CHST9: variants seen among roughly 807,000 people sequenced by gnomAD.
CHST9 encodes carbohydrate sulfotransferase 9.
Under a neutral mutation model 44.4 loss-of-function variants are expected in CHST9, and 41 were observed. That is an observed-to-expected ratio of 0.92 (90% CI 0.72 to 1.20). CHST9 has a LOEUF of 1.20. Among genes scored for constraint, CHST9 ranks in the 50% most tolerant of loss-of-function variants. The pLI is 0.00. For missense variants in CHST9, 504 were observed against 516.5 expected (o/e 0.98, Z 0.23); for synonymous variants, 171 against 178.4 (o/e 0.96, Z 0.33).
chr18:26,971,520 C>T (rs2056542272), intron 4 of CHST9, among the ~76,000 whole-genome samples: 1 of 152,184 alleles, frequency 6.6e-6, no homozygotes, highest in South Asian at 2.1e-4. Context: ...AAGGTTTATT[C>T]ATTTATCATA....
At chr18:27,137,201 A>G (rs2058520635) in intron 2 of CHST9, among the ~76,000 whole-genome samples, 1 of 151,376 alleles carries the variant, frequency 6.6e-6, no homozygotes, top group South Asian at 2.1e-4. Flanking sequence ...TTATACATAT[A>G]ATGAATATAT....
chr18:27,096,614 C>T (rs1456745084), intron 2 of CHST9, among the ~76,000 whole-genome samples: 1 of 151,850 alleles, frequency 6.6e-6, no homozygotes, highest in Non-Finnish European at 1.5e-5. Flanking sequence ...CAACCAATCC[C>T]ACAGAAATAC....
chr18:27,110,560 T>C (rs1039777693), intron 2 of CHST9, among the ~76,000 whole-genome samples: 3 of 152,148 alleles, frequency 2.0e-5, no homozygotes, highest in Non-Finnish European at 4.4e-5. Flanking sequence ...TTACAAAGAT[T>C]ATAGGATGGT....
chr18:27,112,676 A>G (rs976631215), intron 2 of CHST9, among the ~76,000 whole-genome samples: 5 of 151,566 alleles, frequency 3.3e-5, no homozygotes, highest in Admixed American at 3.3e-4. Flanking sequence ...GAAAACTTTA[A>G]TAAACTTCCT....
At chr18:27,000,901 A>G (rs2056944719) in intron 4 of CHST9, among the ~76,000 whole-genome samples, 1 of 152,068 alleles carries the variant, frequency 6.6e-6, no homozygotes, top group South Asian at 2.1e-4. Flanking sequence ...TCACCCCCCC[A>G]TCTCTGAATT....
intron 4 of CHST9, among the ~76,000 whole-genome samples, chr18:26,952,045 C>G (rs1318330680): frequency 6.6e-6 from 1 of 152,164 alleles, no homozygotes; most frequent in Non-Finnish European, 1.5e-5. Flanking sequence ...AGCAATTAGG[C>G]AAGGACATTA....
chr18:27,039,630 T>G (rs1470110116), intron 3 of CHST9, among the ~76,000 whole-genome samples: 1 of 152,148 alleles, frequency 6.6e-6, no homozygotes, highest in Non-Finnish European at 1.5e-5. Flanking sequence ...CACTGAACAT[T>G]TTTAACACAT....
chr18:27,057,575 G>A (rs889738707), intron 2 of CHST9, among the ~76,000 whole-genome samples: 7 of 152,180 alleles, frequency 4.6e-5, no homozygotes, highest in African/African-American at 1.7e-4. Flanking sequence ...ATGTTGCTAG[G>A]ACGCTTAGGC....
At chr18:27,031,160 A>G (rs1474916913) in intron 3 of CHST9, among the ~76,000 whole-genome samples, 1 of 152,118 alleles carries the variant, frequency 6.6e-6, no homozygotes. Context: ...TACTTGATTC[A>G]GTTCCAAATA....
chr18:27,134,891 TTC>T (rs1365526761), intron 2 of CHST9, among the ~76,000 whole-genome samples: 11 of 152,144 alleles, frequency 7.2e-5, no homozygotes, highest in Non-Finnish European at 1.0e-4. Flanking sequence ...TGTAAAAAGT[TTC>T]TGAGTTCTGG....
chr18:27,181,497 A>G (rs915122704), intron 1 of CHST9, among the ~76,000 whole-genome samples: 4 of 152,210 alleles, frequency 2.6e-5, no homozygotes, highest in African/African-American at 9.7e-5. Context: ...CCCCTTATTT[A>G]GATGGCTTCT....
At chr18:27,134,425 A>T (rs1217733014) in intron 2 of CHST9, among the ~76,000 whole-genome samples, 3 of 152,208 alleles carry the variant, frequency 2.0e-5, no homozygotes, top group Non-Finnish European at 4.4e-5. Context: ...ACAAAGTGGG[A>T]GGGTTGAAAT....
rs764070699 is a variant in CHST9, at chr18:26,916,316, G to A, written c.1275C>T (p.Ile425=). 8 of 1,606,450 alleles carry A rather than the reference G, an allele frequency of 5.0e-6. No individual in the cohort carries two copies. The African/African-American group carries it at 1.1e-4, about 21-fold the overall frequency. The change falls in exon 6 of 6, where the codon ATC becomes ATT. Residue 425 remains isoleucine (I), a synonymous_variant. Transcript: ENST00000618847. ...AATAGTCCAAGTAATAAAAGTCATA[G>A]ATTAATTGTCTCTCAGTTCTAGTCA... The part of the protein sequence containing the change: ...KDLTRTERQL[I]YDFYYLDYLM...
intron 2 of CHST9, among the ~76,000 whole-genome samples, chr18:27,071,000 A>C (rs1430536054): frequency 6.6e-6 from 1 of 152,066 alleles, no homozygotes; most frequent in Non-Finnish European, 1.5e-5. Flanking sequence ...CCTAGTTCCC[A>C]TGAGTCTCCC....
At chr18:27,026,491 C>G (rs995579087) in intron 3 of CHST9, among the ~76,000 whole-genome samples, 3 of 152,024 alleles carry the variant, frequency 2.0e-5, no homozygotes, top group Non-Finnish European at 4.4e-5. Flanking sequence ...TGAATTGTCT[C>G]CTAAGGAAAA....
At chr18:27,019,970 T>C (rs1459593521) in intron 4 of CHST9, among the ~76,000 whole-genome samples, 1 of 152,018 alleles carries the variant, frequency 6.6e-6, no homozygotes, top group African/African-American at 2.4e-5. Flanking sequence ...AGAAATAAAA[T>C]GAATAGATGC....
intron 4 of CHST9, among the ~76,000 whole-genome samples, chr18:26,960,855 C>A (rs1380496225): frequency 6.6e-6 from 1 of 152,184 alleles, no homozygotes; most frequent in Non-Finnish European, 1.5e-5. Flanking sequence ...ATGGAGTATT[C>A]TCTTCCTTCT....
At chr18:27,106,811 G>C (rs528292740) in intron 2 of CHST9, among the ~76,000 whole-genome samples, 1 of 152,144 alleles carries the variant, frequency 6.6e-6, no homozygotes, top group Non-Finnish European at 1.5e-5. Flanking sequence ...CAGTTGGCAA[G>C]TTAATCTACC....
intron 4 of CHST9, among the ~76,000 whole-genome samples, chr18:26,969,667 T>A (rs1166091135): frequency 6.6e-6 from 1 of 152,170 alleles, no homozygotes; most frequent in Non-Finnish European, 1.5e-5. Context: ...AGCAAATGTA[T>A]ACGGTCTTAT....
Sources: gnomAD v4.1 joint callset for allele counts (sites outside exome capture counted in the v4.1 genomes callset) on GRCh38, gnomAD v4.1.1 for gene constraint, MANE v1.5 for transcripts, NCBI Gene and HGNC (gene_info 2026-07-23, HGNC 2026-07-21) for gene names.